The following PLXDC2 variants were observed in gnomAD, a reference collection of about 807,000 sequenced individuals.
PLXDC2 encodes the protein plexin domain containing 2.
Under a neutral mutation model 68.9 loss-of-function variants are expected in PLXDC2, and 40 were observed. The ratio of observed to expected loss-of-function variants is 0.58; its 90% CI spans 0.45 to 0.76. PLXDC2 has a LOEUF of 0.76. PLXDC2 is among the 30% of genes least tolerant of loss of function. The pLI is 0.00. For missense variants in PLXDC2, 644 were observed against 661.9 expected (o/e 0.97, Z 0.30); for synonymous variants, 243 against 234.2 (o/e 1.04, Z -0.34).
At chr10:20,124,203 C>T (rs767047790) in intron 4 of PLXDC2, among the ~76,000 whole-genome samples, 5 of 152,126 alleles carry the variant, frequency 3.3e-5, no homozygotes, top group African/African-American at 4.8e-5. Context: ...GGGAAGGCTG[C>T]CTTCCCTAGT....
chr10:19,984,254 T>C (rs1834599152), intron 1 of PLXDC2, among the ~76,000 whole-genome samples: 1 of 152,126 alleles, frequency 6.6e-6, no homozygotes, highest in Non-Finnish European at 1.5e-5. Context: ...GGCAGGTGTG[T>C]CCTAGTGAAA....
At position 20,121,596 on chromosome 10, in the gene PLXDC2, G is replaced by T. The variant is rs564945965; in HGVS notation, c.542-21699G>T. Among the ~76,000 whole-genome samples the T allele has an allele frequency of 2.0e-5, 3 of 152,312 alleles. No individual in the cohort carries two copies. The East Asian group carries it at 5.8e-4, about 29-fold the overall frequency. On this transcript the variant is annotated intron_variant, in intron 4 of 13. Coordinates refer to ENST00000377252, the MANE Select transcript of PLXDC2 (RefSeq NM_032812.9). ...TGTCAGGGTCAGTCTAAGTGAAAGCGAAGAGAGGCTGGGATGACAGGTGCA... is the reference window on the plus strand; with the variant it reads ...TGTCAGGGTCAGTCTAAGTGAAAGCTAAGAGAGGCTGGGATGACAGGTGCA...
At chr10:20,136,867 C>T (rs1201318377) in intron 4 of PLXDC2, among the ~76,000 whole-genome samples, 1 of 152,164 alleles carries the variant, frequency 6.6e-6, no homozygotes, top group Non-Finnish European at 1.5e-5. Flanking sequence ...TGGAATGTTT[C>T]ACAAGCAATT....
chr10:20,221,937 A>G (rs569822923), intron 12 of PLXDC2, among the ~76,000 whole-genome samples: 10 of 152,276 alleles, frequency 6.6e-5, no homozygotes, highest in African/African-American at 2.4e-4. Context: ...GCTGTTTTTT[A>G]AAATAAGTTT....
At chr10:19,991,233 C>T (rs538197106) in intron 1 of PLXDC2, among the ~76,000 whole-genome samples, 15 of 144,228 alleles carry the variant, frequency 1.0e-4, no homozygotes, top group South Asian at 4.5e-4. Context: ...GCAACAAGAC[C>T]GAAACTCTCT....
chr10:20,230,924 A>G (rs1835356748), intron 12 of PLXDC2, among the ~76,000 whole-genome samples: 2 of 151,410 alleles, frequency 1.3e-5, no homozygotes, highest in African/African-American at 4.8e-5. Flanking sequence ...TTAAATTTCT[A>G]GATTGTGGTC....
intron 13 of PLXDC2, among the ~76,000 whole-genome samples, chr10:20,275,318 T>C (rs1313049981): frequency 6.6e-6 from 1 of 152,096 alleles, no homozygotes; most frequent in Non-Finnish European, 1.5e-5. Flanking sequence ...TGGGAGCCTG[T>C]GAGAAACACA....
At chr10:20,008,537 A>C (rs1471077460) in intron 2 of PLXDC2, among the ~76,000 whole-genome samples, 2 of 152,206 alleles carry the variant, frequency 1.3e-5, no homozygotes, top group East Asian at 1.9e-4. Context: ...TGGGTGACGA[A>C]AGTGAAACTC....
intron 5 of PLXDC2, among the ~76,000 whole-genome samples, chr10:20,147,025 G>C (rs1241600794): frequency 6.6e-6 from 1 of 151,916 alleles, no homozygotes; most frequent in Non-Finnish European, 1.5e-5. Context: ...TTTAAAAAAA[G>C]AGAGTACACA....
intron 1 of PLXDC2, among the ~76,000 whole-genome samples, chr10:19,835,534 C>T (rs1836773839): frequency 6.6e-6 from 1 of 152,128 alleles, no homozygotes; most frequent in Non-Finnish European, 1.5e-5. Flanking sequence ...GCAGGGAGGG[C>T]TCAGATGAGT....
At chr10:20,011,377 G>T (rs1041626900) in intron 2 of PLXDC2, among the ~76,000 whole-genome samples, 7 of 152,084 alleles carry the variant, frequency 4.6e-5, no homozygotes, top group African/African-American at 9.7e-5. Context: ...CATGGAAGGG[G>T]GATTGTACAG....
chr10:19,819,232 G>A (rs750703812), intron 1 of PLXDC2, among the ~76,000 whole-genome samples: 2 of 152,028 alleles, frequency 1.3e-5, no homozygotes, highest in African/African-American at 2.4e-5. Context: ...TTTCTGATGG[G>A]AAATATACTC....
At chr10:20,151,712 G>A in intron 6 of PLXDC2, among the ~76,000 whole-genome samples, 1 of 152,158 alleles carries the variant, frequency 6.6e-6, no homozygotes, top group South Asian at 2.1e-4. Flanking sequence ...GATAAGAGAG[G>A]TATTCCTACT....
intron 13 of PLXDC2, among the ~76,000 whole-genome samples, chr10:20,255,726 A>G (rs550638628): frequency 5.3e-4 from 81 of 152,182 alleles, no homozygotes; most frequent in Non-Finnish European, 1.0e-3. Flanking sequence ...ATTTTCAGAG[A>G]CCAAAAACAT....
intron 3 of PLXDC2, among the ~76,000 whole-genome samples, chr10:20,062,803 G>A (rs946240678): frequency 3.3e-5 from 5 of 151,972 alleles, no homozygotes; most frequent in African/African-American, 1.2e-4. Context: ...TAGGTATATG[G>A]TGTTTATTGA....
intron 3 of PLXDC2, among the ~76,000 whole-genome samples, chr10:20,048,717 G>T (rs997467395): frequency 3.3e-5 from 5 of 152,018 alleles, no homozygotes; most frequent in Admixed American, 2.0e-4. Flanking sequence ...TTCTTCTTCT[G>T]TACAAATATG....
intron 1 of PLXDC2, among the ~76,000 whole-genome samples, chr10:19,974,394 A>C (rs1834413749): frequency 6.6e-6 from 1 of 152,228 alleles, no homozygotes; most frequent in Admixed American, 6.5e-5. Flanking sequence ...TATGGGCTGA[A>C]ATGTTGGTGA....
At chr10:19,989,089 C>T (rs543562382) in intron 1 of PLXDC2, among the ~76,000 whole-genome samples, 9 of 152,150 alleles carry the variant, frequency 5.9e-5, no homozygotes, top group East Asian at 3.9e-4. Context: ...CATGAGCCAC[C>T]GCACCTGGCC....
intron 6 of PLXDC2, among the ~76,000 whole-genome samples, chr10:20,158,501 C>CAAAAAA (rs59079629): frequency 5.1e-5 from 6 of 118,748 alleles, no homozygotes; most frequent in Admixed American, 2.7e-4. Context: ...TCTGTCTCTG[C>CAAAAAA]AAAAAAAAAA....
Sources: gnomAD v4.1 joint callset for allele counts (sites outside exome capture counted in the v4.1 genomes callset) on GRCh38, gnomAD v4.1.1 for gene constraint, MANE v1.5 for transcripts, NCBI Gene and HGNC (gene_info 2026-07-23, HGNC 2026-07-21) for gene names.